QTMAN: variants seen among roughly 807,000 people sequenced by gnomAD.
QTMAN encodes the protein tRNA-queuosine alpha-mannosyltransferase.
chr2:144,104,249 G>A, the QTMAN span, among the ~76,000 whole-genome samples: 689 of 152,198 alleles, frequency 4.5e-3, 2 homozygotes, highest in African/African-American at 0.014. Flanking sequence ...GGGGCTTGTC[G>A]GACAGTGGGG....
chr2:143,978,566 T>G, the QTMAN span, among the ~76,000 whole-genome samples: 1 of 152,208 alleles, frequency 6.6e-6, no homozygotes, highest in Admixed American at 6.5e-5. Context: ...CCAGTAAGCC[T>G]GTAGAAACCC....
At chr2:144,236,329 A>C in the QTMAN span, among the ~76,000 whole-genome samples, 2 of 152,098 alleles carry the variant, frequency 1.3e-5, no homozygotes, top group Non-Finnish European at 2.9e-5. Context: ...TCAGGTTTAA[A>C]CTGTTGCTTA....
chr2:144,066,062 T>TGCA, the QTMAN span, among the ~76,000 whole-genome samples: 1 of 152,154 alleles, frequency 6.6e-6, no homozygotes, highest in South Asian at 2.1e-4. Flanking sequence ...TCTTAAAAGT[T>TGCA]GAAAAAAATA....
At chr2:144,223,366 T>C in the QTMAN span, among the ~76,000 whole-genome samples, 1 of 152,184 alleles carries the variant, frequency 6.6e-6, no homozygotes, top group Non-Finnish European at 1.5e-5. Flanking sequence ...TATCGACATA[T>C]AATTTCCCAT....
the QTMAN span, among the ~76,000 whole-genome samples, chr2:144,170,088 AT>A: frequency 6.6e-6 from 1 of 152,226 alleles, no homozygotes; most frequent in Non-Finnish European, 1.5e-5. Flanking sequence ...AAGTCTTTAA[AT>A]TTTTACAAAC....
the QTMAN span, chr2:144,210,825 A>C: frequency 6.6e-6 from 1 of 152,184 alleles, no homozygotes; most frequent in Non-Finnish European, 1.5e-5. Context: ...TGCTTACTTG[A>C]TCACATCGTA....
chr2:144,121,738 G>T, the QTMAN span, among the ~76,000 whole-genome samples: 2 of 152,146 alleles, frequency 1.3e-5, no homozygotes, highest in Non-Finnish European at 2.9e-5. Context: ...TATTTGCGGG[G>T]CTGTGCCAGC....
the QTMAN span, among the ~76,000 whole-genome samples, chr2:144,197,293 A>G: frequency 6.8e-6 from 1 of 148,006 alleles, no homozygotes; most frequent in African/African-American, 2.5e-5. Flanking sequence ...ATGACTGTAT[A>G]TTTGTGTGTG....
At chr2:144,310,362 G>A in the QTMAN span, among the ~76,000 whole-genome samples, 40 of 152,032 alleles carry the variant, frequency 2.6e-4, no homozygotes, top group Non-Finnish European at 3.4e-4. Flanking sequence ...TTGCAAAGGG[G>A]GCAATATCAT....
the QTMAN span, among the ~76,000 whole-genome samples, chr2:144,294,100 C>T: frequency 6.6e-6 from 1 of 152,196 alleles, no homozygotes; most frequent in African/African-American, 2.4e-5. Context: ...ATACTAATTC[C>T]TCCCATTTCC....
chr2:144,284,143 T>C, the QTMAN span, among the ~76,000 whole-genome samples: 8 of 151,538 alleles, frequency 5.3e-5, no homozygotes, highest in Non-Finnish European at 1.2e-4. Flanking sequence ...TCTACTTTAG[T>C]AGAGATATAA....
At chr2:144,009,563 A>T in the QTMAN span, among the ~76,000 whole-genome samples, 2 of 152,116 alleles carry the variant, frequency 1.3e-5, no homozygotes, top group Admixed American at 1.3e-4. Context: ...AAATGCCTTG[A>T]GGAAACTCAA....
At chr2:144,001,783 T>C in the QTMAN span, among the ~76,000 whole-genome samples, 64 of 151,454 alleles carry the variant, frequency 4.2e-4, 1 homozygote, top group Admixed American at 3.9e-4. Context: ...AGTTGACTTA[T>C]ATAAGATAAA....
the QTMAN span, among the ~76,000 whole-genome samples, chr2:143,973,945 T>C: frequency 2.6e-5 from 4 of 152,236 alleles, no homozygotes; most frequent in Admixed American, 6.5e-5. Flanking sequence ...AGCTATCTAA[T>C]GGATCATCCA....
At chr2:144,010,327 T>C in the QTMAN span, among the ~76,000 whole-genome samples, 2 of 152,104 alleles carry the variant, frequency 1.3e-5, no homozygotes, top group African/African-American at 2.4e-5. Flanking sequence ...CAAGGATGAA[T>C]AGAATCCCAT....
At chr2:144,154,912 G>GTGAA in the QTMAN span, among the ~76,000 whole-genome samples, 1 of 152,152 alleles carries the variant, frequency 6.6e-6, no homozygotes, top group Non-Finnish European at 1.5e-5. Context: ...TTTCAAATAA[G>GTGAA]TGAATGAATA....
chr2:144,146,856 T>C, the QTMAN span, among the ~76,000 whole-genome samples: 1 of 151,866 alleles, frequency 6.6e-6, no homozygotes, highest in African/African-American at 2.4e-5. Flanking sequence ...TAAGAGTTTT[T>C]CTAGGATCAC....
chr2:144,222,542 C>A, the QTMAN span, among the ~76,000 whole-genome samples: 10 of 151,772 alleles, frequency 6.6e-5, no homozygotes, highest in African/African-American at 2.4e-4. Flanking sequence ...CGTGGTGGCT[C>A]ACACCTGTAA....
At chr2:144,057,830 G>A in the QTMAN span, among the ~76,000 whole-genome samples, 1 of 152,042 alleles carries the variant, frequency 6.6e-6, no homozygotes, top group Non-Finnish European at 1.5e-5. Flanking sequence ...AGGATCCAGG[G>A]TTTAGAAAGA....
Sources: allele counts gnomAD v4.1 joint callset (sites outside exome capture counted in the v4.1 genomes callset), GRCh38; gene constraint gnomAD v4.1.1; transcripts MANE v1.5; gene names NCBI Gene and HGNC (gene_info 2026-07-23, HGNC 2026-07-21).